Variants in MSTO1 observed in about 807,000 individuals in gnomAD.
MSTO1 encodes the protein misato mitochondrial distribution and morphology regulator 1, also known as protein misato homolog 1.
In MSTO1, 24 loss-of-function variants were observed where a neutral mutation model predicts 55.7. That is an observed-to-expected ratio of 0.43 (90% CI 0.31 to 0.61). MSTO1 has a LOEUF of 0.61. Ranked by LOEUF, MSTO1 falls within the 20% of genes least tolerant of loss-of-function variation. The probability of loss-of-function intolerance (pLI) is 0.09; values close to 1 mark genes in which losing one functional copy is unlikely to be tolerated. For missense variants in MSTO1, 363 were observed against 625.7 expected, an observed-to-expected ratio of 0.58 and a Z score of 4.48; for synonymous variants, 162 against 252.8, an observed-to-expected ratio of 0.64 and a Z score of 3.41.
the MSTO1 span, among the ~76,000 whole-genome samples, chr1:155,581,111 G>A: frequency 6.6e-6 from 1 of 152,036 alleles, no homozygotes; most frequent in African/African-American, 2.4e-5. Flanking sequence ...TTTGGGATTT[G>A]TTTATCTACA....
the MSTO1 span, among the ~76,000 whole-genome samples, chr1:155,597,822 C>CTT: frequency 7.2e-6 from 1 of 138,650 alleles, no homozygotes; most frequent in Admixed American, 7.2e-5. Flanking sequence ...TACTTTTTGT[C>CTT]TTTTTTTTTT....
At position 155,614,721 on chromosome 1, in the gene MSTO1, T is replaced by C. The variant is rs568933615; in HGVS notation, c.*448T>C. The C allele has an allele frequency of 2.2e-4, 353 of 1,577,158 alleles. 2 individuals are homozygous for C. The South Asian group carries it at 3.7e-3, about 17-fold the overall frequency. ...TCCTGTGTAGATGATTCCCAGAGTC[T>C]CATTCATCCAGCTCCTCTTCAGACA... On this transcript the variant is annotated 3_prime_UTR_variant, in exon 14 of 14. Transcript: ENST00000245564.
the MSTO1 span, among the ~76,000 whole-genome samples, chr1:155,578,960 GC>G: frequency 6.6e-6 from 1 of 151,066 alleles, no homozygotes; most frequent in African/African-American, 2.4e-5. Flanking sequence ...ACTGCACCCG[GC>G]CCATAACTAC....
the MSTO1 span, among the ~76,000 whole-genome samples, chr1:155,568,107 T>G: frequency 6.6e-6 from 1 of 150,570 alleles, no homozygotes; most frequent in African/African-American, 2.5e-5. Flanking sequence ...TGAGACGGAG[T>G]CTCACTCTAT....
At chr1:155,575,796 T>TTTTATTTATTTA in the MSTO1 span, among the ~76,000 whole-genome samples, 20 of 144,720 alleles carry the variant, frequency 1.4e-4, no homozygotes, top group African/African-American at 3.7e-4. Flanking sequence ...CTTATTTTAT[T>TTTTATTTATTTA]TTTATTTATT....
At chr1:155,606,121 C>T (rs1258929113), upstream of MSTO1, among the ~76,000 whole-genome samples, 1 of 151,476 alleles carries the variant, frequency 6.6e-6, no homozygotes, top group African/African-American at 2.4e-5. Flanking sequence ...GCAACCTCCA[C>T]CTCCTGGGTT....
chr1:155,566,495 C>T, the MSTO1 span, among the ~76,000 whole-genome samples: 477 of 152,112 alleles, frequency 3.1e-3, 3 homozygotes, highest in African/African-American at 0.011. Flanking sequence ...ATTAGCCAGG[C>T]CATGGTGGCA....
At chr1:155,582,114 G>C in the MSTO1 span, among the ~76,000 whole-genome samples, 1 of 151,142 alleles carries the variant, frequency 6.6e-6, no homozygotes, top group Non-Finnish European at 1.5e-5. Context: ...AGGTGGTCTC[G>C]ATCTCCTGAT....
the MSTO1 span, among the ~76,000 whole-genome samples, chr1:155,577,075 T>G: frequency 1.3e-5 from 2 of 150,450 alleles, no homozygotes; most frequent in South Asian, 2.1e-4. Flanking sequence ...GTTTTTTTTT[T>G]TGTCTTTTTT....
At chr1:155,576,294 G>A in the MSTO1 span, among the ~76,000 whole-genome samples, 1 of 151,970 alleles carries the variant, frequency 6.6e-6, no homozygotes, top group African/African-American at 2.4e-5. Context: ...GATACAATTC[G>A]TTATCTATTT....
At chr1:155,610,820 C>A in intron 2 of MSTO1, 1 of 230,624 alleles carries the variant, frequency 4.3e-6, no homozygotes, top group South Asian at 3.4e-5. Context: ...GTTCCCCCCG[C>A]GTCCCACAGC....
the MSTO1 span, among the ~76,000 whole-genome samples, chr1:155,598,125 CT>C: frequency 1.8e-4 from 27 of 146,530 alleles, no homozygotes; most frequent in African/African-American, 5.3e-4. Context: ...GCCAGAATTT[CT>C]TTTTTTTTTA....
At chr1:155,598,329 G>A in the MSTO1 span, among the ~76,000 whole-genome samples, 1 of 152,122 alleles carries the variant, frequency 6.6e-6, no homozygotes, top group African/African-American at 2.4e-5. Context: ...TGGTCAGGCT[G>A]TTCTCGAACT....
chr1:155,588,276 T>A, the MSTO1 span, among the ~76,000 whole-genome samples: 1 of 152,150 alleles, frequency 6.6e-6, no homozygotes, highest in East Asian at 1.9e-4. Context: ...AACAAAATTG[T>A]ACGTGAAAAA....
chr1:155,609,243 A>ATATATATATATATTTTTTT (rs59756178), upstream of MSTO1, among the ~76,000 whole-genome samples: 2 of 54,576 alleles, frequency 3.7e-5, no homozygotes, highest in Non-Finnish European at 6.0e-5. Flanking sequence ...ATATATATAT[A>ATATATATATATATTTTTTT]TTTTTTTTTT....
chr1:155,577,941 C>T, the MSTO1 span, among the ~76,000 whole-genome samples: 3 of 152,166 alleles, frequency 2.0e-5, no homozygotes, highest in Non-Finnish European at 2.9e-5. Flanking sequence ...GACGGAGTTT[C>T]ACCCTGTTGC....
At chr1:155,579,178 T>C in the MSTO1 span, among the ~76,000 whole-genome samples, 1 of 151,656 alleles carries the variant, frequency 6.6e-6, no homozygotes, top group Non-Finnish European at 1.5e-5. Flanking sequence ...ATGGACATGG[T>C]GGCGCATGCA....
chr1:155,580,152 G>A, the MSTO1 span, among the ~76,000 whole-genome samples: 4 of 150,880 alleles, frequency 2.7e-5, no homozygotes, highest in Non-Finnish European at 5.9e-5. Context: ...CCAACTACTC[G>A]TGAGGCTGAA....
chr1:155,610,172 A>C (rs1673500114), upstream of MSTO1: 1 of 1,106,462 alleles, frequency 9.0e-7, no homozygotes, highest in African/African-American at 1.6e-5. Context: ...ACACCCGCCC[A>C]CGCGCCTGCC....
Sources: allele counts gnomAD v4.1 joint callset (sites outside exome capture counted in the v4.1 genomes callset), GRCh38; gene constraint gnomAD v4.1.1; transcripts MANE v1.5; gene names NCBI Gene and HGNC (gene_info 2026-07-23, HGNC 2026-07-21).